RYR3: variants seen among roughly 807,000 people sequenced by gnomAD.
RYR3 encodes the protein brain ryanodine receptor-calcium release channel.
In RYR3, 207 loss-of-function variants were observed where a neutral mutation model predicts 584.3. The ratio of observed to expected loss-of-function variants is 0.35; its 90% confidence interval spans 0.32 to 0.40. The LOEUF is 0.40. Ranked by LOEUF, RYR3 falls within the 10% of genes least tolerant of loss-of-function variation. The pLI is 1.00. For synonymous variants in RYR3, 2,416 were observed against 2,248.5 expected (o/e 1.07, Z -2.11); for missense variants, 5,616 against 6,089.2 (o/e 0.92, Z 2.59).
chr15:33,722,320 G>A lies in RYR3; in HGVS notation c.6620-395G>A, dbSNP rs192981861. 4.6e-5 allele frequency among the ~76,000 whole-genome samples: 7 copies of A among 152,274 alleles called. No homozygotes were observed. In the East Asian group the frequency reaches 1.4e-3, roughly 29 times the overall value. On this transcript the variant is annotated intron_variant, in intron 43 of 103. Transcript: ENST00000634891. The stretch of plus-strand genomic sequence containing the variant: ...CTCAGTAGTTTATTAACTGCCCTCT[G>A]AGGACCTAAATATATGGAAATAATC...
At chr15:33,660,445 G>C (rs1464873943) in intron 34 of RYR3, 22 bp downstream of exon 34, 1 of 1,507,086 alleles carries the variant, frequency 6.6e-7, no homozygotes. Flanking sequence ...GCCCGCGAAG[G>C]AAGGGGCAGG....
chr15:33,579,973 T>C lies in RYR3; in HGVS notation c.1269-3T>C. 1 of 1,606,332 alleles carries C rather than the reference T, an allele frequency of 6.2e-7. No individual in the cohort carries two copies. Among genetic ancestry groups the C allele is most frequent in the Non-Finnish European group, 8.5e-7 (1 of 1,175,850 alleles). On this transcript the variant is annotated splice_polypyrimidine_tract_variant and splice_region_variant and intron_variant, in intron 12 of 103. Transcript: ENST00000634891. ...TAAACCATGTCAATCTCATGGTTTT[T>C]AGCGGAAACAATCGCACAGCTGCCC...
intron 64 of RYR3, among the ~76,000 whole-genome samples, chr15:33,778,900 C>A (rs1464070150): frequency 6.6e-6 from 1 of 152,202 alleles, no homozygotes; most frequent in Non-Finnish European, 1.5e-5. Flanking sequence ...GGCTCAAATG[C>A]TTCATAGCCA....
rs545440740 is a variant in RYR3, at chr15:33,808,122, T to A, written c.10026+553T>A. On this transcript the variant is annotated intron_variant, in intron 70 of 103. Transcript: ENST00000634891. ...GTGTCGGCTGCCATTCTCCCAAACC[T>A]CTGCTCTACACTATGCAGTGAAGAA... Among the ~76,000 whole-genome samples, 192 of 151,818 alleles carry A rather than the reference T, an allele frequency of 1.3e-3. 1 individual carries two copies. Among genetic ancestry groups the A allele is most frequent in the Non-Finnish European group, 1.6e-3 (109 of 67,836 alleles).
At chr15:33,443,474 T>G (rs2046388451) in intron 1 of RYR3, among the ~76,000 whole-genome samples, 3 of 152,152 alleles carry the variant, frequency 2.0e-5, no homozygotes, top group African/African-American at 4.8e-5. Context: ...ATAGGATGTT[T>G]AGTAAAGCAA....
At chr15:33,805,712 C>T (rs1280627198) in intron 69 of RYR3, among the ~76,000 whole-genome samples, 6 of 151,710 alleles carry the variant, frequency 4.0e-5, no homozygotes, top group Non-Finnish European at 7.4e-5. Flanking sequence ...CTCCTGACGT[C>T]ATGATCCGCC....
intron 67 of RYR3, among the ~76,000 whole-genome samples, chr15:33,798,275 G>A (rs1417818380): frequency 6.6e-6 from 1 of 151,938 alleles, no homozygotes; most frequent in African/African-American, 2.4e-5. Context: ...TTTTTTAGTA[G>A]ACACAGGGTT....
intron 60 of RYR3, among the ~76,000 whole-genome samples, chr15:33,762,525 A>G (rs1467545437): frequency 1.3e-5 from 2 of 152,222 alleles, no homozygotes; most frequent in African/African-American, 4.8e-5. Flanking sequence ...TATTCTCACA[A>G]AGAGCATAAA....
In RYR3 at chr15:33,529,248, C is replaced by T. The variant is rs570123265; in HGVS notation, c.280-1344C>T. 2.6e-5 allele frequency among the ~76,000 whole-genome samples: 4 copies of T among 152,256 alleles called. No homozygotes were observed. The East Asian group carries it at 5.8e-4, about 22-fold the overall frequency. The stretch of plus-strand genomic sequence containing the variant: ...CTGTAGCTGTGGGAAAAAGCGCAGC[C>T]GCATTTATATTTAGTTACCGGCTTT... On this transcript the variant is annotated intron_variant, in intron 3 of 103. Coordinates refer to ENST00000634891, the MANE Select transcript of RYR3 (RefSeq NM_001036.6).
Position 33,311,661 on chromosome 15 carries a change from C to T in RYR3, c.51+565C>T, listed in dbSNP as rs369489420. ...GAGGGGAATTCACCCAGCGCTGCCC[C>T]TCTCGTGTTAAGCCCCACGCCGGCA... On this transcript the variant is annotated intron_variant, in intron 1 of 103. Coordinates refer to ENST00000634891, the MANE Select transcript of RYR3 (RefSeq NM_001036.6). This position sits in a 1 kb window ranked among gnomAD's most constrained non-coding sequence, Gnocchi z 4.4. Among the ~76,000 whole-genome samples the T allele has an allele frequency of 2.6e-5, 4 of 152,228 alleles. No homozygotes were observed. Among genetic ancestry groups the T allele is most frequent in the Non-Finnish European group, 5.9e-5 (4 of 68,042 alleles).
chr15:33,694,137 C>G (rs1423484544), intron 38 of RYR3, among the ~76,000 whole-genome samples: 1 of 150,710 alleles, frequency 6.6e-6, no homozygotes, highest in Non-Finnish European at 1.5e-5. Flanking sequence ...TGAAGCCAGG[C>G]ACTATCATCC....
intron 57 of RYR3, among the ~76,000 whole-genome samples, chr15:33,753,371 G>A (rs2071510866): frequency 6.6e-6 from 1 of 152,182 alleles, no homozygotes; most frequent in Admixed American, 6.5e-5. Context: ...GATGTCCTAA[G>A]ATGTTTTATC....
chr15:33,864,876 T>C, intron 103 of RYR3: 3 of 443,308 alleles, frequency 6.8e-6, no homozygotes, highest in Non-Finnish European at 1.2e-5. Flanking sequence ...GTGGCAAACA[T>C]TGATTGGTTT....
chr15:33,335,187 C>G (rs1309180512), intron 1 of RYR3, among the ~76,000 whole-genome samples: 1 of 152,116 alleles, frequency 6.6e-6, no homozygotes, highest in Non-Finnish European at 1.5e-5. Context: ...GGCATATACT[C>G]AAAGGAATAT....
chr15:33,805,679 G>T (rs562643569), intron 69 of RYR3, among the ~76,000 whole-genome samples: 2 of 151,428 alleles, frequency 1.3e-5, no homozygotes, highest in Non-Finnish European at 2.9e-5. Context: ...GGGTTTCACT[G>T]TGTTAGCCAG....
At chr15:33,551,212 G>T (rs139535321) in intron 10 of RYR3, among the ~76,000 whole-genome samples, 1 of 152,330 alleles carries the variant, frequency 6.6e-6, no homozygotes, top group Non-Finnish European at 1.5e-5. Flanking sequence ...CTGCACAGAT[G>T]CTTGCACAGT....
intron 65 of RYR3, among the ~76,000 whole-genome samples, chr15:33,784,984 G>C (rs929097442): frequency 6.6e-6 from 1 of 152,110 alleles, no homozygotes; most frequent in African/African-American, 2.4e-5. Flanking sequence ...GGAAAAGATA[G>C]GGCTCCCACG....
At position 33,731,713 on chromosome 15, in the gene RYR3, T is replaced by G; in HGVS notation, c.7424+19T>G. The G allele has an allele frequency of 6.6e-7, 1 of 1,526,572 alleles. No homozygotes were observed. The highest frequency in any genetic ancestry group is 2.3e-5 in the East Asian group (1 of 44,344). The allele number at this position is 1,526,572 out of a possible 1,614,324, so 94.6% of individuals were successfully genotyped here. ...TTTGCAAGTAAGTACATATCCTATG[T>G]TGTTACTTCTGTGTATGCATCCAGG... On this transcript the variant is annotated intron_variant, in intron 48 of 103. Coordinates refer to ENST00000634891, the MANE Select transcript of RYR3 (RefSeq NM_001036.6).
intron 8 of RYR3, among the ~76,000 whole-genome samples, chr15:33,544,622 T>C (rs988226548): frequency 2.0e-5 from 3 of 152,166 alleles, no homozygotes; most frequent in African/African-American, 7.2e-5. Context: ...TCCTAATTGA[T>C]GTACTCAAGG....
Sources: gnomAD v4.1 joint callset for allele counts (sites outside exome capture counted in the v4.1 genomes callset) on GRCh38, gnomAD v4.1.1 for gene constraint, Gnocchi (gnomAD v3.1) non-coding constraint, MANE v1.5 for transcripts, NCBI Gene and HGNC (gene_info 2026-07-23, HGNC 2026-07-21) for gene names.